The following TMPRSS13 variants were observed in gnomAD, a reference collection of about 807,000 sequenced individuals.
TMPRSS13 encodes transmembrane serine protease 13.
Under a neutral mutation model 68.4 loss-of-function variants are expected in TMPRSS13, and 50 were observed. The observed-to-expected ratio is 0.73, with a 90% confidence interval of 0.58 to 0.93. The LOEUF is 0.93. Among genes scored for constraint, TMPRSS13 ranks in the 40% least tolerant of loss-of-function variants. The probability of loss-of-function intolerance (pLI) is 0.00; values close to 1 mark genes in which losing one functional copy is unlikely to be tolerated. For synonymous variants in TMPRSS13, 267 were observed against 285.8 expected (o/e 0.93, Z 0.66); for missense variants, 615 against 729.2 (o/e 0.84, Z 1.80).
In TMPRSS13 at chr11:117,908,765, C is replaced by A; in HGVS notation, c.1129G>T (p.Glu377Ter). ...GTGCCCGCGTACACCTTCCAGCCCT[C>A]CAGGACCTTCTCCCGGGTCCTGCAA... is the stretch of plus-strand genomic sequence containing the variant. ...CFFVTREKVL[E>*]GWKVYAGTSN... is the part of the protein sequence containing the mutation. The change falls in exon 9 of 13, where the codon GAG (glutamate) becomes TAG (stop). Residue 377 changes from glutamate to a stop codon, truncating the protein, a stop_gained. Coordinates refer to ENST00000524993, the MANE Select transcript of TMPRSS13 (RefSeq NM_001077263.3). LOFTEE classifies it high-confidence loss of function. 3 of 1,607,454 alleles carry A rather than the reference C, an allele frequency of 1.9e-6. No individual in the cohort carries two copies. Among genetic ancestry groups the A allele is most frequent in the Admixed American group, 1.7e-5 (1 of 59,346 alleles).
At chr11:117,918,868 G>A in intron 1 of TMPRSS13, 30 bp from the exon 2 acceptor site, 1 of 1,609,266 alleles carries the variant, frequency 6.2e-7, no homozygotes, top group Non-Finnish European at 8.5e-7. Context: ...TATCCCACAG[G>A]CTGCTCCCCT....
At chr11:117,911,970 TG>T in intron 5 of TMPRSS13, 110 bp from the exon 6 acceptor site, 2 of 807,118 alleles carry the variant, frequency 2.5e-6, no homozygotes, top group Non-Finnish European at 4.0e-6. Context: ...CAGACTGTGA[TG>T]GTCTGAATGG....
At chr11:117,908,535 A>G in intron 9 of TMPRSS13, 77 bp downstream of exon 9, 1 of 1,494,750 alleles carries the variant, frequency 6.7e-7, no homozygotes, top group Non-Finnish European at 9.0e-7. Context: ...ATGAGTTGAC[A>G]GATGCTGACA....
At chr11:117,925,322 G>A (rs536673711) in intron 1 of TMPRSS13, among the ~76,000 whole-genome samples, 2 of 152,350 alleles carry the variant, frequency 1.3e-5, no homozygotes, top group South Asian at 4.2e-4. Context: ...AGTTTCCGAT[G>A]CCTCCTGTGC....
chr11:117,903,591 C>T, intron 12 of TMPRSS13, 64 bp downstream of exon 12: 1 of 1,610,750 alleles, frequency 6.2e-7, no homozygotes, highest in South Asian at 1.1e-5. Flanking sequence ...GGTGCTCCTC[C>T]AGGGTCCCCA....
At position 117,904,861 on chromosome 11, in the gene TMPRSS13, T is replaced by TTATATATATATATATATATA. The variant is rs58001868; in HGVS notation, c.1381+757_1382-761dup. Among the ~76,000 whole-genome samples the TTATATATATATATATATATA allele has an allele frequency of 7.5e-4, 75 of 100,658 alleles. 1 individual carries two copies. Among genetic ancestry groups the TTATATATATATATATATATA allele is most frequent in the Non-Finnish European group, 1.3e-3 (59 of 45,350 alleles). 66.0% of individuals were successfully genotyped at this position (100,658 alleles called of 152,430 possible). A position where few individuals can be genotyped will look rare whatever the true frequency, so the allele number is the denominator to read the frequency against. ...TACCACTTAGAGCTCCTAGATAAGA[T>TTATATATATATATATATATA]TATATATATATATATATATATATAT... On this transcript the variant is annotated intron_variant, in intron 10 of 12. Transcript: ENST00000524993.
chr11:117,917,759 A>G (rs1368108670), intron 2 of TMPRSS13, among the ~76,000 whole-genome samples: 1 of 152,150 alleles, frequency 6.6e-6, no homozygotes, highest in Non-Finnish European at 1.5e-5. Context: ...ACTTCGAGTG[A>G]TCCTCCAAAG....
At chr11:117,929,052 G>T (rs991399154) in intron 1 of TMPRSS13, among the ~76,000 whole-genome samples, 2 of 152,144 alleles carry the variant, frequency 1.3e-5, no homozygotes. Context: ...TAGCCCTGGG[G>T]TGCTCACCAG....
chr11:117,903,326 T>C, intron 12 of TMPRSS13: 1 of 1,437,400 alleles, frequency 7.0e-7, no homozygotes, highest in East Asian at 2.5e-5. Context: ...CACAAAATCC[T>C]CTGCAGAAAC....
Position 117,917,237 on chromosome 11 carries a change from C to T in TMPRSS13, c.489G>A (p.Gln163=). ...CGCACCCGATGAGCGGTAGCTGCTT[C>T]TGGCCCTCCCGCCAGGTGAACTTGG... ...SLPKFTWREG[Q]KQLPLIGCVL... Residue 163 remains glutamine (Q), a synonymous_variant, in exon 3 of 13, where the codon CAG becomes CAA. Transcript: ENST00000524993. 1 of 1,612,926 alleles carries T rather than the reference C, an allele frequency of 6.2e-7. No individual in the cohort carries two copies. Among genetic ancestry groups the T allele is most frequent in the Non-Finnish European group, 8.5e-7 (1 of 1,179,996 alleles).
intron 1 of TMPRSS13, among the ~76,000 whole-genome samples, chr11:117,920,383 G>T (rs371360261): frequency 2.6e-5 from 4 of 152,086 alleles, no homozygotes; most frequent in African/African-American, 9.7e-5. Context: ...CTGTCCCCCA[G>T]GCTGCAGTGC....
intron 10 of TMPRSS13, 54 bp downstream of exon 10, chr11:117,905,584 T>A (rs2057456445): frequency 6.9e-7 from 1 of 1,454,518 alleles, no homozygotes; most frequent in East Asian, 2.5e-5. Context: ...CGCACATGTA[T>A]ACACACACAT....
intron 7 of TMPRSS13, 61 bp from the exon 8 acceptor site, chr11:117,910,029 C>T (rs12801855): frequency 0.17 from 262,866 of 1,583,050 alleles, 24,209 homozygotes; most frequent in Non-Finnish European, 0.19. Context: ...TTCCGAGCTC[C>T]TGATCAGGAT....
At position 117,901,904 on chromosome 11, in the gene TMPRSS13, T is replaced by C; in HGVS notation, c.*335A>G. 8.1e-6 allele frequency: 3 copies of C among 370,744 alleles called. No homozygotes were observed. Among genetic ancestry groups the C allele is most frequent in the Admixed American group, 3.7e-5 (1 of 27,278 alleles). The allele number at this position is 370,744 out of a possible 1,614,324, so 23.0% of individuals were successfully genotyped here. A position where few individuals can be genotyped will look rare whatever the true frequency, so the allele number is the denominator to read the frequency against. On this transcript the variant is annotated 3_prime_UTR_variant, in exon 13 of 13. Coordinates refer to ENST00000524993, the MANE Select transcript of TMPRSS13 (RefSeq NM_001077263.3). Reference sequence around the variant, plus strand: ...CAGAGAAGCAAGAATTCCCAGCTCTTCCTTGGGCTCTGGGCTCCACCTCCT... The same window carrying C: ...CAGAGAAGCAAGAATTCCCAGCTCTCCCTTGGGCTCTGGGCTCCACCTCCT...
rs761105223 is a variant in TMPRSS13 at position 117,904,026 on chromosome 11, T to C, written c.1457A>G (p.Tyr486Cys). 2 of 1,613,858 alleles carry C rather than the reference T, an allele frequency of 1.2e-6. No individual in the cohort carries two copies. Among genetic ancestry groups the C allele is most frequent in the South Asian group, 1.1e-5 (1 of 90,948 alleles). The change falls in exon 11 of 13, where the codon TAT becomes TGT. Residue 486 changes from tyrosine to cysteine, a missense_variant. Coordinates refer to ENST00000524993, the MANE Select transcript of TMPRSS13 (RefSeq NM_001077263.3). Reference sequence around the variant, plus strand: ...CATCCTTGGGGTAAGGTAACTGTCATAGACCAAGTAGTCATTGCATTTCTT... The same window carrying C: ...CATCCTTGGGGTAAGGTAACTGTCACAGACCAAGTAGTCATTGCATTTCTT... Reference protein sequence around the residue: ...DFKKCNDYLVYDSYLTPRMMC... With the variant: ...DFKKCNDYLVCDSYLTPRMMC...
intron 5 of TMPRSS13, among the ~76,000 whole-genome samples, chr11:117,912,223 C>T (rs2057530477): frequency 6.6e-6 from 1 of 152,198 alleles, no homozygotes; most frequent in Non-Finnish European, 1.5e-5. Flanking sequence ...AACAGGTTCT[C>T]TAGTGATGCT....
chr11:117,903,532 AAC>A, intron 12 of TMPRSS13, 121 bp downstream of exon 12: 1 of 1,562,614 alleles, frequency 6.4e-7, no homozygotes, highest in Non-Finnish European at 8.7e-7. Context: ...CCCTGTCCAG[AAC>A]ACCCCCCGAA....
At chr11:117,908,870 A>G in intron 8 of TMPRSS13, 86 bp from the exon 9 acceptor site, 1 of 1,352,542 alleles carries the variant, frequency 7.4e-7, no homozygotes. Flanking sequence ...AGCCACAGTC[A>G]GAGCACCAGC....
intron 1 of TMPRSS13, among the ~76,000 whole-genome samples, chr11:117,925,872 G>A (rs998524907): frequency 2.0e-5 from 3 of 152,256 alleles, no homozygotes; most frequent in South Asian, 2.1e-4. Flanking sequence ...ACTCCCGCAC[G>A]CTTACGCTCA....
Sources: gnomAD v4.1 joint callset for allele counts (sites outside exome capture counted in the v4.1 genomes callset) on GRCh38, gnomAD v4.1.1 for gene constraint, MANE v1.5 for transcripts, NCBI Gene and HGNC (gene_info 2026-07-23, HGNC 2026-07-21) for gene names.